The following USH2A variants were observed in gnomAD, a reference collection of about 807,000 sequenced individuals.
USH2A encodes Usher syndrome 2A (autosomal recessive, mild).
Under a neutral mutation model 538.9 loss-of-function variants are expected in USH2A, and 443 were observed. The observed-to-expected ratio is 0.82, with a 90% CI of 0.76 to 0.89. USH2A has a LOEUF of 0.89. Among genes scored for constraint, USH2A ranks in the 40% least tolerant of loss-of-function variants. The probability of loss-of-function intolerance (pLI) is 0.00; values close to 1 mark genes in which losing one functional copy is unlikely to be tolerated. For synonymous variants in USH2A, 2,413 were observed against 2,273.5 expected, an observed-to-expected ratio of 1.06 and a Z score of -1.75; for missense variants, 6,633 against 6,324.8, an observed-to-expected ratio of 1.05 and a Z score of -1.65.
At chr1:215,988,808 ATG>A (rs1360936599) in intron 35 of USH2A, among the ~76,000 whole-genome samples, 9 of 152,230 alleles carry the variant, frequency 5.9e-5, no homozygotes, top group African/African-American at 1.9e-4. Flanking sequence ...CTCAGGGCTC[ATG>A]AAGTATGTAC....
At chr1:216,115,535 G>C (rs1456065574) in intron 21 of USH2A, among the ~76,000 whole-genome samples, 1 of 152,146 alleles carries the variant, frequency 6.6e-6, no homozygotes, top group Non-Finnish European at 1.5e-5. Flanking sequence ...TTTAAAATCA[G>C]TGTATTATTA....
intron 30 of USH2A, among the ~76,000 whole-genome samples, chr1:216,068,259 G>A (rs1296046820): frequency 6.6e-6 from 1 of 152,194 alleles, no homozygotes; most frequent in African/African-American, 2.4e-5. Context: ...AAGGCCGAGA[G>A]GAGGAGAGAG....
At chr1:215,987,557 C>T (rs1266887532) in intron 35 of USH2A, among the ~76,000 whole-genome samples, 13 of 152,080 alleles carry the variant, frequency 8.5e-5, no homozygotes, top group Admixed American at 2.0e-4. Context: ...GTATGTGAAG[C>T]AAGGGACTAG....
chr1:215,879,656 C>G (rs10495008), intron 41 of USH2A, among the ~76,000 whole-genome samples: 4 of 152,160 alleles, frequency 2.6e-5, no homozygotes, highest in African/African-American at 9.7e-5. Flanking sequence ...ATAGCACATC[C>G]TCTTCTCAGG....
intron 3 of USH2A, among the ~76,000 whole-genome samples, chr1:216,394,080 T>G (rs1167487740): frequency 6.6e-6 from 1 of 152,056 alleles, no homozygotes; most frequent in Non-Finnish European, 1.5e-5. Context: ...CCGGGGAAAA[T>G]CATCAATCAT....
intron 9 of USH2A, among the ~76,000 whole-genome samples, chr1:216,296,326 C>T (rs1225197714): frequency 6.6e-6 from 1 of 151,866 alleles, no homozygotes; most frequent in Non-Finnish European, 1.5e-5. Flanking sequence ...GATTATTTTT[C>T]CCCACAATCA....
At chr1:216,046,683 C>T (rs1285747231) in intron 31 of USH2A, 91 bp from the exon 32 acceptor site, 12 of 1,464,900 alleles carry the variant, frequency 8.2e-6, no homozygotes, top group Non-Finnish European at 1.1e-5. Flanking sequence ...TGGAATAAAC[C>T]TGAAATCCCA....
intron 4 of USH2A, among the ~76,000 whole-genome samples, chr1:216,337,019 T>C: frequency 6.6e-6 from 1 of 151,516 alleles, no homozygotes; most frequent in Middle Eastern, 3.2e-3. Flanking sequence ...TCTGTGGGCA[T>C]CAAATGTCTA....
At chr1:216,322,802 CAT>C in intron 8 of USH2A, among the ~76,000 whole-genome samples, 1 of 151,952 alleles carries the variant, frequency 6.6e-6, no homozygotes, top group African/African-American at 2.4e-5. Context: ...CTTTTAAAGA[CAT>C]ATTTTATTCA....
chr1:216,131,245 C>T (rs1279084707), intron 21 of USH2A, among the ~76,000 whole-genome samples: 2 of 151,744 alleles, frequency 1.3e-5, no homozygotes, highest in Admixed American at 1.3e-4. Flanking sequence ...AAGATTTTAT[C>T]CCACTCTGTG....
chr1:215,836,305 T>C (rs886649428), intron 47 of USH2A, among the ~76,000 whole-genome samples: 2 of 149,592 alleles, frequency 1.3e-5, no homozygotes, highest in Non-Finnish European at 3.0e-5. Context: ...CTTTATGTTC[T>C]TGCACATCTA....
chr1:216,409,112 C>T (rs2039440148), intron 3 of USH2A, among the ~76,000 whole-genome samples: 1 of 151,930 alleles, frequency 6.6e-6, no homozygotes, highest in Non-Finnish European at 1.5e-5. Flanking sequence ...TGATTAGAAG[C>T]AGGTGAAACA....
intron 3 of USH2A, among the ~76,000 whole-genome samples, chr1:216,412,826 T>C (rs1348414958): frequency 3.9e-5 from 6 of 151,930 alleles, no homozygotes; most frequent in African/African-American, 1.2e-4. Context: ...GGACTATAAA[T>C]GTAGGCAGGT....
intron 44 of USH2A, among the ~76,000 whole-genome samples, chr1:215,851,674 C>A (rs934733622): frequency 1.3e-5 from 2 of 152,028 alleles, no homozygotes; most frequent in African/African-American, 4.8e-5. Context: ...AAGAAACACT[C>A]CTTACATCAT....
At chr1:215,904,497 T>C (rs1665582541) in intron 38 of USH2A, among the ~76,000 whole-genome samples, 3 of 152,122 alleles carry the variant, frequency 2.0e-5, no homozygotes. Flanking sequence ...TCCTTTCCCC[T>C]CTGTTTAACC....
At position 216,418,516 on chromosome 1, in the gene USH2A, G is replaced by A; in HGVS notation, c.649C>T (p.Gln217Ter). The A allele has an allele frequency of 1.2e-6, 2 of 1,612,744 alleles. No individual in the cohort carries two copies. Among genetic ancestry groups the A allele is most frequent in the Non-Finnish European group, 8.5e-7 (1 of 1,179,370 alleles). The change falls in exon 3 of 72, where the codon CAG becomes TAG. Residue 217 changes from glutamine (Q) to a stop codon, truncating the protein, a stop_gained and splice_region_variant. Transcript: ENST00000307340. LOFTEE classifies it high-confidence loss of function. ...TAAATATTTTTTATTTTACTCACCT[G>A]CACACTAAGATGAATCCATTTCTTC... Reference protein sequence around the residue: ...LVKKWIHLSVQVHQTKISFFI... With the variant: ...LVKKWIHLSV
At chr1:215,956,088 C>T (rs1015544541) in intron 37 of USH2A, among the ~76,000 whole-genome samples, 3 of 152,158 alleles carry the variant, frequency 2.0e-5, no homozygotes, top group African/African-American at 7.2e-5. Flanking sequence ...CATCAATTCA[C>T]AGCTGACACT....
chr1:216,419,249 G>A (rs2039636203), intron 2 of USH2A, among the ~76,000 whole-genome samples: 1 of 151,956 alleles, frequency 6.6e-6, no homozygotes, highest in Admixed American at 6.6e-5. Flanking sequence ...TAAGATGACT[G>A]GCTACCTCTC....
At chr1:215,729,280 A>AT (rs776507741) in intron 60 of USH2A, among the ~76,000 whole-genome samples, 2 of 152,150 alleles carry the variant, frequency 1.3e-5, no homozygotes, top group Non-Finnish European at 1.5e-5. Context: ...CTCTTTTGCA[A>AT]TTGTTCCCAG....
Sources: gnomAD v4.1 joint callset for allele counts (sites outside exome capture counted in the v4.1 genomes callset) on GRCh38, gnomAD v4.1.1 for gene constraint, MANE v1.5 for transcripts, NCBI Gene and HGNC (gene_info 2026-07-23, HGNC 2026-07-21) for gene names.